RIMS1: variants seen among roughly 807,000 people sequenced by gnomAD.
The protein encoded by RIMS1 is regulating synaptic membrane exocytosis 1.
A neutral mutation model predicts 214.1 loss-of-function variants in RIMS1; 83 were observed. That is an observed-to-expected ratio of 0.39 (90% CI 0.32 to 0.47). The LOEUF is 0.47. Among genes scored for constraint, RIMS1 ranks in the 20% least tolerant of loss-of-function variants. The pLI is 0.99. For missense variants in RIMS1, 2,050 were observed against 2,161.8 expected, an observed-to-expected ratio of 0.95 and a Z score of 1.03; for synonymous variants, 793 against 786.8, an observed-to-expected ratio of 1.01 and a Z score of -0.13.
intron 12 of RIMS1, among the ~76,000 whole-genome samples, chr6:72,248,445 T>C (rs1430849599): frequency 6.6e-6 from 1 of 152,178 alleles, no homozygotes; most frequent in East Asian, 1.9e-4. Context: ...TTACACATAA[T>C]ATTAGGAGTT....
intron 29 of RIMS1, among the ~76,000 whole-genome samples, chr6:72,341,903 A>T (rs2097106586): frequency 6.6e-6 from 1 of 151,810 alleles, no homozygotes; most frequent in Non-Finnish European, 1.5e-5. Flanking sequence ...CCAAATACTG[A>T]CAAGATGTTG....
rs573535326 is a variant in RIMS1, at chr6:72,334,014, TC to T, written c.4366+180del. ...TGGGTTTATTTTTTCTGTACAGCTC[TC>T]TTCACAAGGTATCACTTTTAAATCT... On this transcript the variant is annotated intron_variant, in intron 29 of 33. Coordinates refer to ENST00000521978, the MANE Select transcript of RIMS1 (RefSeq NM_014989.7). Among the ~76,000 whole-genome samples the T allele has an allele frequency of 7.2e-5, 11 of 152,078 alleles. No homozygotes were observed. In the East Asian group the frequency reaches 2.1e-3, roughly 30 times the overall value.
intron 1 of RIMS1, among the ~76,000 whole-genome samples, chr6:71,890,608 A>G (rs1769497352): frequency 6.9e-6 from 1 of 145,432 alleles, no homozygotes; most frequent in Non-Finnish European, 1.5e-5. Context: ...CTTCATAGAG[A>G]AAGCAGCTAC....
At chr6:72,126,748 G>A (rs558427161) in intron 4 of RIMS1, 4 of 188,448 alleles carry the variant, frequency 2.1e-5, no homozygotes, top group South Asian at 8.6e-5. Flanking sequence ...AAGAATGGCT[G>A]TAATTAAAAA....
intron 1 of RIMS1, among the ~76,000 whole-genome samples, chr6:71,953,884 C>T (rs1190091994): frequency 1.3e-5 from 2 of 152,168 alleles, no homozygotes; most frequent in African/African-American, 2.4e-5. Flanking sequence ...TCATGCTTCT[C>T]CCCAGCCAAA....
At chr6:71,954,460 T>A (rs1790572779) in intron 1 of RIMS1, among the ~76,000 whole-genome samples, 2 of 152,220 alleles carry the variant, frequency 1.3e-5, no homozygotes, top group Admixed American at 6.5e-5. Context: ...AAAATTTTCC[T>A]ACATAAACCT....
Position 72,258,285 on chromosome 6 carries a change from G to A in RIMS1, c.2927+4G>A, listed in dbSNP as rs747675732. On this transcript the variant is annotated splice_donor_region_variant and intron_variant, in intron 17 of 33. Transcript: ENST00000521978. ...TACCAAATGTGCCATTACAGAGGTA[G>A]GCTTTGAAATGGGCTCAGTGTCCCT... The A allele has an allele frequency of 6.2e-7, 1 of 1,612,584 alleles. No homozygotes were observed. Among genetic ancestry groups the A allele is most frequent in the Non-Finnish European group, 8.5e-7 (1 of 1,179,108 alleles).
In RIMS1 at chr6:72,226,912, C is replaced by G. The variant is rs552547378; in HGVS notation, c.1679-6861C>G. 2.0e-5 allele frequency among the ~76,000 whole-genome samples: 3 copies of G among 152,166 alleles called. No individual in the cohort carries two copies. In the East Asian group the frequency reaches 5.8e-4, roughly 29 times the overall value. On this transcript the variant is annotated intron_variant, in intron 6 of 33. Coordinates refer to ENST00000521978, the MANE Select transcript of RIMS1 (RefSeq NM_014989.7). ...TAAGCTCTATTTCTAAACTCCTTTA[C>G]AATTCACAATACTGACATATCTCAG...
chr6:72,064,497 G>A (rs62409477), intron 2 of RIMS1, among the ~76,000 whole-genome samples: 227 of 152,250 alleles, frequency 1.5e-3, no homozygotes, highest in Middle Eastern at 3.4e-3. Flanking sequence ...TGGGAGGGAG[G>A]GAGGTAGGGA....
In RIMS1 at chr6:71,927,332, G is replaced by A. The variant is rs867353715; in HGVS notation, c.164+40145G>A. Among the ~76,000 whole-genome samples the A allele has an allele frequency of 1.5e-4, 23 of 152,030 alleles. 1 individual carries two copies. Among genetic ancestry groups the A allele is most frequent in the African/African-American group, 4.6e-4 (19 of 41,428 alleles). ...ATTCACAATTTTCTTACTTGGTACT[G>A]CACAATTTTGTGCAATGGTTTGTAA... On this transcript the variant is annotated intron_variant, in intron 1 of 33. Transcript: ENST00000521978.
chr6:72,321,144 A>C (rs917030171), intron 28 of RIMS1, among the ~76,000 whole-genome samples: 4 of 152,140 alleles, frequency 2.6e-5, no homozygotes, highest in African/African-American at 9.6e-5. Context: ...ATTTCCTTAT[A>C]ATTAGTGGAA....
intron 29 of RIMS1, among the ~76,000 whole-genome samples, chr6:72,383,870 C>T (rs2098539795): frequency 6.6e-6 from 1 of 151,802 alleles, no homozygotes. Flanking sequence ...AATTTGTCAC[C>T]TCAAAAATAA....
intron 6 of RIMS1, among the ~76,000 whole-genome samples, chr6:72,185,194 A>G (rs2048923150): frequency 6.6e-6 from 1 of 152,240 alleles, no homozygotes; most frequent in Non-Finnish European, 1.5e-5. Context: ...CTCATTTGAC[A>G]TAGTACTGTA....
At chr6:72,166,715 T>TAAAA (rs35329248) in intron 4 of RIMS1, among the ~76,000 whole-genome samples, 15 of 149,424 alleles carry the variant, frequency 1.0e-4, no homozygotes, top group Non-Finnish European at 1.5e-4. Context: ...GTCTCTATTT[T>TAAAA]AAAAAAAAAA....
chr6:72,005,040 T>G (rs1370712208), intron 2 of RIMS1, among the ~76,000 whole-genome samples: 1 of 151,532 alleles, frequency 6.6e-6, no homozygotes, highest in East Asian at 1.9e-4. Context: ...CTTGAATTAA[T>G]TTTTGTATAA....
chr6:71,948,729 G>T (rs1002144258), intron 1 of RIMS1, among the ~76,000 whole-genome samples: 1 of 152,152 alleles, frequency 6.6e-6, no homozygotes, highest in Non-Finnish European at 1.5e-5. Flanking sequence ...GAGGATAATA[G>T]GTTGGGCACT....
chr6:72,120,464 A>T lies in RIMS1; in HGVS notation c.471+20478A>T, dbSNP rs563992030. On this transcript the variant is annotated intron_variant, in intron 4 of 33. Transcript: ENST00000521978. Reference sequence around the variant, plus strand: ...GCATAAACGTCTTCTTTTGAGAAGTATCTGTTCATATCCTTTGCCCACTTG... The same window carrying T: ...GCATAAACGTCTTCTTTTGAGAAGTTTCTGTTCATATCCTTTGCCCACTTG... Among the ~76,000 whole-genome samples the T allele has an allele frequency of 1.3e-4, 19 of 151,920 alleles. No homozygotes were observed. In the East Asian group the frequency reaches 3.7e-3, roughly 29 times the overall value.
In RIMS1 at chr6:72,387,619, G is replaced by A. The variant is rs532028843; in HGVS notation, c.4367-2979G>A. On this transcript the variant is annotated intron_variant, in intron 29 of 33. Coordinates refer to ENST00000521978, the MANE Select transcript of RIMS1 (RefSeq NM_014989.7). ...GTCCCTGCCTTCGGTAAGTGTGCAC[G>A]TTCCACAATGACAAGTCAAGTGGAC... Among the ~76,000 whole-genome samples the A allele has an allele frequency of 2.6e-5, 4 of 152,182 alleles. No homozygotes were observed. The East Asian group carries it at 5.8e-4, about 22-fold the overall frequency.
intron 2 of RIMS1, among the ~76,000 whole-genome samples, chr6:71,986,092 T>C (rs1489324017): frequency 6.6e-6 from 1 of 152,184 alleles, no homozygotes; most frequent in Non-Finnish European, 1.5e-5. Context: ...GTATGTCTTA[T>C]TCAATACTTG....
Sources: allele counts gnomAD v4.1 joint callset (sites outside exome capture counted in the v4.1 genomes callset), GRCh38; gene constraint gnomAD v4.1.1; transcripts MANE v1.5; gene names NCBI Gene and HGNC (gene_info 2026-07-23, HGNC 2026-07-21).